The following SPART variants were observed in gnomAD, a reference collection of about 807,000 sequenced individuals.
SPART encodes spartin.
Under a neutral mutation model 58.7 loss-of-function variants are expected in SPART, and 35 were observed. The observed-to-expected ratio is 0.60, with a 90% CI of 0.46 to 0.79. SPART has a LOEUF of 0.79. Among genes scored for constraint, SPART ranks in the 30% least tolerant of loss-of-function variants. SPART has a pLI of 0.00. For synonymous variants in SPART, 284 were observed against 280.7 expected (o/e 1.01, Z -0.12); for missense variants, 730 against 786.1 (o/e 0.93, Z 0.85).
At chr13:36,306,241 C>T (rs1880498459) in intron 8 of SPART, among the ~76,000 whole-genome samples, 1 of 152,198 alleles carries the variant, frequency 6.6e-6, no homozygotes, top group East Asian at 1.9e-4. Context: ...CAGCATTCCA[C>T]AGGATTTGCT....
intron 4 of SPART, among the ~76,000 whole-genome samples, chr13:36,327,636 G>A (rs1237076338): frequency 2.0e-5 from 3 of 152,080 alleles, no homozygotes; most frequent in Non-Finnish European, 4.4e-5. Context: ...ATATGTCTCT[G>A]TGTGTGTGTA....
At chr13:36,318,165 C>T (rs1297825634) in intron 5 of SPART, among the ~76,000 whole-genome samples, 3 of 152,146 alleles carry the variant, frequency 2.0e-5, no homozygotes, top group Non-Finnish European at 4.4e-5. Flanking sequence ...TCCTCAGCCT[C>T]TGCTACTCCA....
chr13:36,310,282 T>C (rs1175302840), intron 8 of SPART, among the ~76,000 whole-genome samples: 4 of 152,178 alleles, frequency 2.6e-5, no homozygotes, highest in African/African-American at 9.7e-5. Flanking sequence ...ATTGCTCTTC[T>C]TTTTTCTTTC....
chr13:36,360,467 A>T (rs1885810416), intron 1 of SPART, among the ~76,000 whole-genome samples: 1 of 151,882 alleles, frequency 6.6e-6, no homozygotes, highest in Non-Finnish European at 1.5e-5. Context: ...TCCCCAGATG[A>T]CACTAGGAGC....
chr13:36,354,799 C>T (rs1885558827), intron 1 of SPART, among the ~76,000 whole-genome samples: 1 of 152,216 alleles, frequency 6.6e-6, no homozygotes, highest in African/African-American at 2.4e-5. Flanking sequence ...ATGATTAATT[C>T]TCCAACTGTA....
At chr13:36,349,204 C>T (rs898090238), upstream of SPART, among the ~76,000 whole-genome samples, 10 of 152,072 alleles carry the variant, frequency 6.6e-5, no homozygotes, top group African/African-American at 9.7e-5. Context: ...TGGAGGTCAC[C>T]GTGAGCCGAG....
chr13:36,323,179 T>C (rs1338103979), intron 5 of SPART, among the ~76,000 whole-genome samples: 1 of 152,136 alleles, frequency 6.6e-6, no homozygotes, highest in Non-Finnish European at 1.5e-5. Flanking sequence ...CATTCCAGAG[T>C]CCATCTGTAA....
intron 1 of SPART, among the ~76,000 whole-genome samples, chr13:36,356,267 C>A (rs1885618864): frequency 6.6e-6 from 1 of 152,188 alleles, no homozygotes. Flanking sequence ...CTGGTCGAGG[C>A]CGTGCTTTAC....
chr13:36,334,933 A>G, intron 2 of SPART, 88 bp downstream of exon 2: 1 of 1,050,230 alleles, frequency 9.5e-7, no homozygotes, highest in Non-Finnish European at 1.5e-6. Context: ...ATCTTTTTGC[A>G]CTTATACTGG....
intron 1 of SPART, among the ~76,000 whole-genome samples, chr13:36,363,641 A>G (rs1885950536): frequency 1.3e-5 from 2 of 152,220 alleles, no homozygotes; most frequent in African/African-American, 4.8e-5. Context: ...TGCTCAAGAT[A>G]GCCATGAAAT....
intron 1 of SPART, among the ~76,000 whole-genome samples, chr13:36,337,293 C>T (rs1451806672): frequency 6.6e-6 from 1 of 152,204 alleles, no homozygotes; most frequent in Admixed American, 6.5e-5. Context: ...TTGTCCAGGG[C>T]ATCCATGCTG....
At chr13:36,311,661 G>A (rs1448445788) in intron 8 of SPART, among the ~76,000 whole-genome samples, 4 of 152,134 alleles carry the variant, frequency 2.6e-5, no homozygotes, top group African/African-American at 9.7e-5. Flanking sequence ...AAAGCAAAGT[G>A]ACAAGAATTC....
intron 1 of SPART, among the ~76,000 whole-genome samples, chr13:36,342,161 G>A (rs927495621): frequency 2.0e-5 from 3 of 152,126 alleles, no homozygotes; most frequent in Admixed American, 6.5e-5. Flanking sequence ...CTATCCCCAC[G>A]CATCATTTAG....
At chr13:36,323,083 C>T (rs980235923) in intron 5 of SPART, among the ~76,000 whole-genome samples, 45 of 152,066 alleles carry the variant, frequency 3.0e-4, no homozygotes, top group African/African-American at 1.1e-3. Flanking sequence ...CTCCGTTCTG[C>T]TCACTCTCAA....
At chr13:36,342,092 G>A (rs1256954273) in intron 1 of SPART, among the ~76,000 whole-genome samples, 1 of 152,118 alleles carries the variant, frequency 6.6e-6, no homozygotes, top group Non-Finnish European at 1.5e-5. Context: ...ACTTGAACAG[G>A]GTCTTGAACA....
chr13:36,304,738 G>T, intron 8 of SPART, 106 bp from the exon 9 acceptor site: 2 of 1,216,792 alleles, frequency 1.6e-6, no homozygotes, highest in Admixed American at 2.5e-5. Flanking sequence ...ACCCCTGAAA[G>T]CAAAATTAAA....
chr13:36,346,805 T>C (rs1885177521), upstream of SPART: 1 of 152,284 alleles, frequency 6.6e-6, no homozygotes, highest in African/African-American at 2.4e-5. Context: ...CCGGAGAGCC[T>C]AGTAGAGAGT....
chr13:36,365,017 C>T (rs1402880345), intron 1 of SPART, among the ~76,000 whole-genome samples: 2 of 152,164 alleles, frequency 1.3e-5, no homozygotes, highest in African/African-American at 2.4e-5. Context: ...TTTTGCATGA[C>T]TCCTTGGCTG....
Position 36,302,047 on chromosome 13 carries a change from AAC to A in SPART, c.*2316_*2317del, listed in dbSNP as rs1880034838. 1 of 152,174 alleles carries A rather than the reference AAC, an allele frequency of 6.6e-6. No homozygotes were observed. 9.4% of individuals were successfully genotyped at this position (152,174 alleles called of 1,614,324 possible). A position where few individuals can be genotyped will look rare whatever the true frequency, so the allele number is the denominator to read the frequency against. On this transcript the variant is annotated 3_prime_UTR_variant, in exon 9 of 9. Transcript: ENST00000438666. ...ATATGTAGAAAGCTTCAAAAAATGA[AAC>A]AGTATGTTTGGAGAACATACATGTG...
Sources: allele counts gnomAD v4.1 joint callset (sites outside exome capture counted in the v4.1 genomes callset), GRCh38; gene constraint gnomAD v4.1.1; transcripts MANE v1.5; gene names NCBI Gene and HGNC (gene_info 2026-07-23, HGNC 2026-07-21).